Variants in DNAAF11 observed in about 807,000 individuals in gnomAD.
DNAAF11 encodes dynein axonemal assembly factor 11.
In DNAAF11, 45 loss-of-function variants were observed where a neutral mutation model predicts 60.8. The ratio of observed to expected loss-of-function variants is 0.74; its 90% confidence interval spans 0.58 to 0.95. The LOEUF (loss-of-function observed/expected upper bound fraction) is 0.95. Among genes scored for constraint, DNAAF11 ranks in the 40% least tolerant of loss-of-function variants. The pLI, the probability that DNAAF11 is intolerant of heterozygous loss-of-function variation, is 0.00. For synonymous variants in DNAAF11, 191 were observed against 183.5 expected, an observed-to-expected ratio of 1.04 and a Z score of -0.33; for missense variants, 546 against 546.2, an observed-to-expected ratio of 1.00 and a Z score of 0.00.
At chr8:132,628,568 T>C (rs1184439471) in intron 5 of DNAAF11, among the ~76,000 whole-genome samples, 1 of 152,170 alleles carries the variant, frequency 6.6e-6, no homozygotes, top group East Asian at 1.9e-4. Context: ...AGTCAAGAGG[T>C]AGATGTTCAT....
chr8:132,592,973 G>A (rs1451621418), intron 10 of DNAAF11, among the ~76,000 whole-genome samples: 1 of 151,856 alleles, frequency 6.6e-6, no homozygotes, highest in Non-Finnish European at 1.5e-5. Context: ...TCATATTTAG[G>A]AAGTAACAGA....
intron 10 of DNAAF11, among the ~76,000 whole-genome samples, chr8:132,585,063 G>A (rs1047700543): frequency 6.6e-5 from 10 of 152,072 alleles, no homozygotes; most frequent in Non-Finnish European, 1.2e-4. Flanking sequence ...CTTGGTTATA[G>A]GCTCCAATAA....
chr8:132,684,754 A>C, the DNAAF11 span, among the ~76,000 whole-genome samples: 1 of 152,250 alleles, frequency 6.6e-6, no homozygotes, highest in African/African-American at 2.4e-5. Context: ...TCCATAATTC[A>C]TGTGAGCTCC....
chr8:132,616,769 T>C (rs1016685055), intron 7 of DNAAF11, among the ~76,000 whole-genome samples: 1 of 152,162 alleles, frequency 6.6e-6, no homozygotes, highest in East Asian at 1.9e-4. Context: ...AGGCAAAAGT[T>C]TTCTCAGCAA....
At chr8:132,700,399 G>A in the DNAAF11 span, among the ~76,000 whole-genome samples, 3 of 151,978 alleles carry the variant, frequency 2.0e-5, no homozygotes, top group East Asian at 5.8e-4. Context: ...AGAGCTGGGT[G>A]CAGCAGTTCA....
chr8:132,639,061 A>G (rs985347211), intron 3 of DNAAF11, among the ~76,000 whole-genome samples: 1 of 152,208 alleles, frequency 6.6e-6, no homozygotes, highest in Admixed American at 6.5e-5. Flanking sequence ...CGCTTAGCAT[A>G]ATGCTTGCCA....
At chr8:132,588,964 C>T (rs1816187690) in intron 10 of DNAAF11, among the ~76,000 whole-genome samples, 1 of 152,146 alleles carries the variant, frequency 6.6e-6, no homozygotes, top group Non-Finnish European at 1.5e-5. Flanking sequence ...GGGGATGCTG[C>T]TAAACCATTA....
At chr8:132,685,140 A>G in the DNAAF11 span, 13 of 152,370 alleles carry the variant, frequency 8.5e-5, no homozygotes, top group East Asian at 2.1e-3. Context: ...ACTAAGAAAC[A>G]TATCCACTAA....
chr8:132,651,291 AC>A (rs1424652783), intron 3 of DNAAF11, among the ~76,000 whole-genome samples: 1 of 151,784 alleles, frequency 6.6e-6, no homozygotes, highest in Admixed American at 6.6e-5. Flanking sequence ...AAAAAAGGAT[AC>A]TAGCTATTTT....
At chr8:132,592,474 T>C (rs1018193908) in intron 10 of DNAAF11, among the ~76,000 whole-genome samples, 1 of 152,148 alleles carries the variant, frequency 6.6e-6, no homozygotes, top group Admixed American at 6.5e-5. Flanking sequence ...GTATGGGCTT[T>C]AGAAGGGGAG....
At chr8:132,622,443 G>A (rs1819854919) in intron 7 of DNAAF11, among the ~76,000 whole-genome samples, 168 bp downstream of exon 7, 1 of 152,120 alleles carries the variant, frequency 6.6e-6, no homozygotes, top group Non-Finnish European at 1.5e-5. Flanking sequence ...CATAATAGAT[G>A]TTTTGCCTTT....
At chr8:132,629,309 AAACAAGAT>A (rs929310988) in intron 5 of DNAAF11, among the ~76,000 whole-genome samples, 10 of 152,128 alleles carry the variant, frequency 6.6e-5, no homozygotes, top group African/African-American at 1.9e-4. Context: ...TTAAAGTCAG[AAACAAGAT>A]AACAAGATAC....
intron 7 of DNAAF11, 144 bp downstream of exon 7, chr8:132,622,467 A>G (rs928387200): frequency 5.0e-6 from 3 of 601,210 alleles, no homozygotes; most frequent in South Asian, 2.9e-5. Context: ...TATGCACCAA[A>G]TGACATTATT....
At chr8:132,690,783 A>G in the DNAAF11 span, among the ~76,000 whole-genome samples, 2 of 152,118 alleles carry the variant, frequency 1.3e-5, no homozygotes, top group Non-Finnish European at 2.9e-5. Context: ...CTGGTTAAGT[A>G]TTTTGTAGAA....
the DNAAF11 span, among the ~76,000 whole-genome samples, chr8:132,685,385 C>A: frequency 6.6e-6 from 1 of 152,106 alleles, no homozygotes; most frequent in East Asian, 1.9e-4. Flanking sequence ...TGAAATGAGG[C>A]CCCTGGGGAA....
intron 10 of DNAAF11, among the ~76,000 whole-genome samples, chr8:132,592,684 A>G (rs1816593049): frequency 6.6e-6 from 1 of 152,182 alleles, no homozygotes; most frequent in Non-Finnish European, 1.5e-5. Flanking sequence ...AAAATATGAA[A>G]AGAGGAAGTC....
chr8:132,612,882 C>G (rs1489400556), intron 8 of DNAAF11, among the ~76,000 whole-genome samples: 2 of 152,140 alleles, frequency 1.3e-5, no homozygotes. Context: ...AGAAATATTA[C>G]CACCCCTTAA....
At chr8:132,654,023 C>G (rs1281334057) in intron 3 of DNAAF11, among the ~76,000 whole-genome samples, 1 of 151,828 alleles carries the variant, frequency 6.6e-6, no homozygotes, top group African/African-American at 2.4e-5. Flanking sequence ...TAAAGAGAAG[C>G]ATTTTAGATT....
intron 10 of DNAAF11, among the ~76,000 whole-genome samples, chr8:132,588,031 T>G (rs989100767): frequency 2.0e-5 from 3 of 152,186 alleles, no homozygotes; most frequent in Non-Finnish European, 4.4e-5. Flanking sequence ...AAACATAGAC[T>G]ATGTGAGCTG....
Sources: allele counts gnomAD v4.1 joint callset (sites outside exome capture counted in the v4.1 genomes callset), GRCh38; gene constraint gnomAD v4.1.1; transcripts MANE v1.5; gene names NCBI Gene and HGNC (gene_info 2026-07-23, HGNC 2026-07-21).